Variants in SYK observed in about 807,000 individuals in gnomAD.
SYK encodes the protein tyrosine-protein kinase SYK.
In SYK, 16 loss-of-function variants were observed where a neutral mutation model predicts 77.8. The ratio of observed to expected loss-of-function variants is 0.21; its 90% CI spans 0.14 to 0.31. SYK has a LOEUF of 0.31. SYK is among the 10% of genes least tolerant of loss of function. The probability of loss-of-function intolerance (pLI) is 1.00; values close to 1 mark genes in which losing one functional copy is unlikely to be tolerated. For synonymous variants in SYK, 312 were observed against 308.7 expected, an observed-to-expected ratio of 1.01 and a Z score of -0.11; for missense variants, 529 against 814.4, an observed-to-expected ratio of 0.65 and a Z score of 4.26.
intron 7 of SYK, among the ~76,000 whole-genome samples, chr9:90,871,574 G>A (rs1461881426): frequency 6.6e-6 from 1 of 152,074 alleles, no homozygotes; most frequent in Admixed American, 6.6e-5. Context: ...CTACTAAGTG[G>A]CATATTCACC....
chr9:90,858,116 G>A (rs1435212671), intron 3 of SYK, among the ~76,000 whole-genome samples: 2 of 152,170 alleles, frequency 1.3e-5, no homozygotes, highest in African/African-American at 4.8e-5. Flanking sequence ...CATCACCTCT[G>A]TATATTCTCT....
rs117097960 is a variant in SYK at position 90,864,687 on chromosome 9, G to C, written c.796+20G>C. 2,652 of 1,599,224 alleles carry C rather than the reference G, an allele frequency of 1.7e-3. 2 individuals carry two copies. Among genetic ancestry groups the C allele is most frequent in the Middle Eastern group, 2.8e-3 (17 of 6,046 alleles). The stretch of plus-strand genomic sequence containing the variant: ...CACAGGGTGAGTTCCCAAGACACTG[G>C]AGTCTCAGTGTTTGAGGTATCAGTG... On this transcript the variant is annotated intron_variant, in intron 5 of 13. Coordinates refer to ENST00000375754, the MANE Select transcript of SYK (RefSeq NM_003177.7).
chr9:90,864,283 G>A (rs1181646231), intron 4 of SYK, among the ~76,000 whole-genome samples: 1 of 152,152 alleles, frequency 6.6e-6, no homozygotes, highest in African/African-American at 2.4e-5. Flanking sequence ...GCTGTTAAAG[G>A]TGTTGTTTTG....
Position 90,865,040 on chromosome 9 carries a change from C to T in SYK, c.797-8C>T, listed in dbSNP as rs374210702. 26 of 1,613,974 alleles carry T rather than the reference C, an allele frequency of 1.6e-5. No homozygotes were observed. The African/African-American group carries it at 3.3e-4, about 21-fold the overall frequency. Reference sequence around the variant, plus strand: ...AGAGCAGTAATTGTCCATGCTCTCTCTAACCAGGAAATGTTAATTTTGGAG... The same window carrying T: ...AGAGCAGTAATTGTCCATGCTCTCTTTAACCAGGAAATGTTAATTTTGGAG... On this transcript the variant is annotated splice_polypyrimidine_tract_variant and splice_region_variant and intron_variant, in intron 5 of 13. Coordinates refer to ENST00000375754, the MANE Select transcript of SYK (RefSeq NM_003177.7).
chr9:90,893,878 C>T (rs938970980), intron 13 of SYK, among the ~76,000 whole-genome samples: 1 of 152,104 alleles, frequency 6.6e-6, no homozygotes, highest in Admixed American at 6.5e-5. Context: ...CACTCTGGCC[C>T]GAAAGCAGAG....
At chr9:90,811,385 A>C (rs1564067147) in intron 1 of SYK, among the ~76,000 whole-genome samples, 1 of 152,192 alleles carries the variant, frequency 6.6e-6, no homozygotes, top group Non-Finnish European at 1.5e-5. Context: ...TCACTCAACA[A>C]CTTCACTTTT....
chr9:90,896,203 G>T lies in SYK; in HGVS notation c.*603G>T, dbSNP rs200854897. On this transcript the variant is annotated 3_prime_UTR_variant, in exon 14 of 14. Coordinates refer to ENST00000375754, the MANE Select transcript of SYK (RefSeq NM_003177.7). ...GTAGCCAGTTAAGGAAAGAAAGAAA[G>T]AAAAAAAAAAAAGGCCTGGATACTG... 1.5e-5 allele frequency: 3 copies of T among 197,854 alleles called. No homozygotes were observed. The highest frequency in any genetic ancestry group is 3.0e-5 in the Non-Finnish European group (3 of 99,854). The allele number at this position is 197,854 out of a possible 1,614,324, so 12.3% of individuals were successfully genotyped here.
chr9:90,825,306 C>T (rs72729022), intron 1 of SYK, among the ~76,000 whole-genome samples: 2,910 of 152,260 alleles, frequency 0.019, 97 homozygotes, highest in East Asian at 0.15. Flanking sequence ...CAAGCTTGAT[C>T]TGTAGATTCA....
chr9:90,892,783 C>T (rs186251906), intron 13 of SYK, among the ~76,000 whole-genome samples: 51 of 152,366 alleles, frequency 3.3e-4, no homozygotes, highest in African/African-American at 1.2e-3. Flanking sequence ...TCCTAATAGT[C>T]CCAGCCCTCC....
chr9:90,857,939 A>G (rs1827103724), intron 3 of SYK, among the ~76,000 whole-genome samples: 1 of 105,806 alleles, frequency 9.5e-6, no homozygotes, highest in Non-Finnish European at 1.8e-5. Context: ...CTACTCTGCC[A>G]TGGAAAAAAA....
At chr9:90,806,284 T>C (rs1384073306) in intron 1 of SYK, among the ~76,000 whole-genome samples, 1 of 152,246 alleles carries the variant, frequency 6.6e-6, no homozygotes, top group Non-Finnish European at 1.5e-5. Context: ...CTTTCTTTTT[T>C]TCTAGAACCC....
Position 90,865,109 on chromosome 9 carries a change from T to A in SYK, c.846+12T>A. 6.2e-7 allele frequency: 1 copy of A among 1,612,740 alleles called. No homozygotes were observed. Among genetic ancestry groups the A allele is most frequent in the Non-Finnish European group, 8.5e-7 (1 of 1,178,748 alleles). On this transcript the variant is annotated intron_variant, in intron 6 of 13. Coordinates refer to ENST00000375754, the MANE Select transcript of SYK (RefSeq NM_003177.7). ...GTTCCCATCCTGCGGTAAGTGTCAC[T>A]AGGAATACCACTGAATGAGAAGCTG...
At chr9:90,832,692 T>C (rs941883444) in intron 1 of SYK, among the ~76,000 whole-genome samples, 5 of 152,260 alleles carry the variant, frequency 3.3e-5, no homozygotes, top group Admixed American at 3.3e-4. Flanking sequence ...ATTCAAATAT[T>C]TATTTACTTA....
chr9:90,882,721 C>T (rs1828205308), intron 11 of SYK, among the ~76,000 whole-genome samples: 1 of 152,186 alleles, frequency 6.6e-6, no homozygotes, highest in African/African-American at 2.4e-5. Flanking sequence ...ATAACAAGTA[C>T]ATATTCACAC....
At chr9:90,809,126 G>A (rs1824971728) in intron 1 of SYK, among the ~76,000 whole-genome samples, 2 of 152,216 alleles carry the variant, frequency 1.3e-5, no homozygotes, top group South Asian at 4.1e-4. Flanking sequence ...GGAAGAGCCT[G>A]GCTAGAGCAG....
chr9:90,828,112 G>A (rs1318611911), intron 1 of SYK, among the ~76,000 whole-genome samples: 1 of 152,082 alleles, frequency 6.6e-6, no homozygotes, highest in African/African-American at 2.4e-5. Context: ...ATGCTCATAA[G>A]GTAGTGATGG....
chr9:90,813,971 C>T (rs1825197130), intron 1 of SYK, among the ~76,000 whole-genome samples: 1 of 152,206 alleles, frequency 6.6e-6, no homozygotes, highest in Admixed American at 6.5e-5. Context: ...GACTTTGTTG[C>T]ATGACTTTGG....
intron 1 of SYK, among the ~76,000 whole-genome samples, chr9:90,806,289 GA>G (rs1466576183): frequency 6.6e-6 from 1 of 151,868 alleles, no homozygotes. Flanking sequence ...TTTTTTTCTA[GA>G]ACCCTCCATC....
chr9:90,874,227 G>T lies in SYK; in HGVS notation c.939G>T (p.Arg313=), dbSNP rs199745532. Residue 313 remains arginine (R), a synonymous_variant, in exon 8 of 14, where the codon CGG becomes CGT. Coordinates refer to ENST00000375754, the MANE Select transcript of SYK (RefSeq NM_003177.7). ...AGTCCTCCCCTGCCCAAGGGAACCGGCAAGAGAGTACTGTGTCATTCAATC... is the reference window on the plus strand; with the variant it reads ...AGTCCTCCCCTGCCCAAGGGAACCGTCAAGAGAGTACTGTGTCATTCAATC... The part of the protein sequence containing the change: ...HRKSSPAQGN[R]QESTVSFNPY... The T allele has an allele frequency of 1.2e-6, 2 of 1,614,178 alleles. No homozygotes were observed. The highest frequency in any genetic ancestry group is 2.2e-5 in the South Asian group (2 of 91,086).
Sources: allele counts gnomAD v4.1 joint callset (sites outside exome capture counted in the v4.1 genomes callset), GRCh38; gene constraint gnomAD v4.1.1; transcripts MANE v1.5; gene names NCBI Gene and HGNC (gene_info 2026-07-23, HGNC 2026-07-21).